The following ABHD13 variants were observed in gnomAD, a reference collection of about 807,000 sequenced individuals.
The protein encoded by ABHD13 is protein ABHD13.
ABHD13 carries 7 observed loss-of-function variants against 25.2 expected under a neutral mutation model. The ratio of observed to expected loss-of-function variants is 0.28; its 90% CI spans 0.16 to 0.52. The LOEUF (loss-of-function observed/expected upper bound fraction) is 0.52, where lower values mean the gene tolerates loss of function less well. Ranked by LOEUF, ABHD13 falls within the 20% of genes least tolerant of loss-of-function variation. The pLI is 0.96. For missense variants in ABHD13, 302 were observed against 402.7 expected, an observed-to-expected ratio of 0.75 and a Z score of 2.14; for synonymous variants, 133 against 136.1, an observed-to-expected ratio of 0.98 and a Z score of 0.16.
rs1050868571 is a variant in ABHD13, at chr13:108,218,432, A to G, written c.-248A>G. On this transcript the variant is annotated 5_prime_UTR_variant, in exon 1 of 2. Transcript: ENST00000375898. ...CCCACTCCGGGAGCGGAGACGGAGA[A>G]CAGGTTATGTGGGAGCCGGCGGGGG... The G allele has an allele frequency of 6.6e-6, 1 of 151,974 alleles. No individual in the cohort carries two copies. Among genetic ancestry groups the G allele is most frequent in the Admixed American group, 6.6e-5 (1 of 15,258 alleles). The allele number at this position is 151,974 out of a possible 1,614,324, so 9.4% of individuals were successfully genotyped here.
At chr13:108,227,784 C>G (rs544989747) in intron 1 of ABHD13, among the ~76,000 whole-genome samples, 60 of 152,048 alleles carry the variant, frequency 3.9e-4, no homozygotes, top group African/African-American at 1.4e-3. Flanking sequence ...GCAATTGAGA[C>G]TGGAAATAAG....
intron 1 of ABHD13, among the ~76,000 whole-genome samples, chr13:108,224,266 G>A (rs922274911): frequency 6.6e-6 from 1 of 152,122 alleles, no homozygotes; most frequent in Non-Finnish European, 1.5e-5. Flanking sequence ...TTGCTTGAAC[G>A]TTACTGAGTA....
intron 1 of ABHD13, among the ~76,000 whole-genome samples, chr13:108,222,337 G>GATATATAT (rs1217166972): frequency 6.6e-6 from 1 of 151,888 alleles, no homozygotes; most frequent in Non-Finnish European, 1.5e-5. Flanking sequence ...TTCAGTTCTT[G>GATATATAT]ATATATATAA....
rs1355923714 is a variant in ABHD13, at chr13:108,231,017, A to C, written c.*785A>C. 3 of 166,886 alleles carry C rather than the reference A, an allele frequency of 1.8e-5. No homozygotes were observed. In the East Asian group the frequency reaches 5.8e-4, roughly 32 times the overall value. The allele number at this position is 166,886 out of a possible 1,614,324, so 10.3% of individuals were successfully genotyped here. ...GATGTGCATATTTGAACTTTTTAAC[A>C]TTTGTAACTTTGGTGGCAAAGAGAA... On this transcript the variant is annotated 3_prime_UTR_variant, in exon 2 of 2. Coordinates refer to ENST00000375898, the MANE Select transcript of ABHD13 (RefSeq NM_032859.3).
At chr13:108,218,979 C>T (rs1879470202) in intron 1 of ABHD13, among the ~76,000 whole-genome samples, 1 of 152,082 alleles carries the variant, frequency 6.6e-6, no homozygotes, top group Admixed American at 6.5e-5. Flanking sequence ...CGCCGGGTGT[C>T]GTTTTGTAAT....
In ABHD13 at chr13:108,229,918, C is replaced by G; in HGVS notation, c.700C>G (p.Pro234Ala). Residue 234 changes from proline (P) to alanine (A), a missense_variant, in exon 2 of 2, where the codon CCG becomes GCG. By Grantham distance (27) the Pro-to-Ala change is conservative (BLOSUM62 -1). Coordinates refer to ENST00000375898, the MANE Select transcript of ABHD13 (RefSeq NM_032859.3). This position sits in a 1 kb window ranked among gnomAD's most constrained non-coding sequence, Gnocchi z 4.7. ...GGCCAGCACTTTATTTTCATTCTTT[C>G]CGATGCGTTACCTTCCTTTATGGTG... ...HMASTLFSFFPMRYLPLWCYK... is the reference protein window; with the variant it reads ...HMASTLFSFFAMRYLPLWCYK... 1.9e-6 allele frequency: 3 copies of G among 1,613,228 alleles called. No homozygotes were observed. Among genetic ancestry groups the G allele is most frequent in the South Asian group, 1.1e-5 (1 of 91,060 alleles).
At chr13:108,220,142 A>G (rs930696803) in intron 1 of ABHD13, among the ~76,000 whole-genome samples, 12 of 152,232 alleles carry the variant, frequency 7.9e-5, no homozygotes, top group South Asian at 2.1e-4. Flanking sequence ...GTGAGTTGGC[A>G]AAAGCTACCT....
At chr13:108,227,584 A>T (rs1041585643) in intron 1 of ABHD13, among the ~76,000 whole-genome samples, 2 of 152,068 alleles carry the variant, frequency 1.3e-5, no homozygotes, top group Admixed American at 1.3e-4. Context: ...CTGGTTTTAT[A>T]TAATTTTTTA....
chr13:108,225,974 A>G (rs1879663598), intron 1 of ABHD13, among the ~76,000 whole-genome samples: 1 of 152,164 alleles, frequency 6.6e-6, no homozygotes, highest in South Asian at 2.1e-4. Context: ...CACATGCAGA[A>G]GAACCCAACA....
Position 108,229,108 on chromosome 13 carries a change from A to T in ABHD13, c.-20-91A>T. 1.1e-6 allele frequency: 1 copy of T among 935,146 alleles called. No homozygotes were observed. The highest frequency in any genetic ancestry group is 3.0e-5 in the Admixed American group (1 of 33,268). 57.9% of individuals were successfully genotyped at this position (935,146 alleles called of 1,614,324 possible). ...ACCTATTACCATATTTAACAATTAC[A>T]TGTGGCCTAGTACCATAGTTTATTA... On this transcript the variant is annotated intron_variant, in intron 1 of 1. Transcript: ENST00000375898. The surrounding 1 kb of genome is among the most constrained non-coding windows in gnomAD (Gnocchi z 4.7).
intron 1 of ABHD13, among the ~76,000 whole-genome samples, chr13:108,226,584 G>A (rs1566380543): frequency 6.6e-6 from 1 of 152,066 alleles, no homozygotes; most frequent in Non-Finnish European, 1.5e-5. Flanking sequence ...TTTGTTAACC[G>A]TTTACTCACA....
intron 1 of ABHD13, among the ~76,000 whole-genome samples, chr13:108,224,219 A>C (rs1448514191): frequency 6.6e-6 from 1 of 152,194 alleles, no homozygotes; most frequent in Non-Finnish European, 1.5e-5. Context: ...GTATGTAGTT[A>C]TTTATATCCA....
rs528734839 is a variant in ABHD13, at chr13:108,231,676, A to G, written c.*1444A>G. The G allele has an allele frequency of 1.8e-5, 3 of 166,850 alleles. No homozygotes were observed. The highest frequency in any genetic ancestry group is 1.3e-4 in the Admixed American group (2 of 15,244). 10.3% of individuals were successfully genotyped at this position (166,850 alleles called of 1,614,324 possible). On this transcript the variant is annotated 3_prime_UTR_variant, in exon 2 of 2. Transcript: ENST00000375898. ...TCAGCTTTAACATATAATATTTTGA[A>G]TATTTTAGCTATATTTAGTGGCTTT...
intron 1 of ABHD13, among the ~76,000 whole-genome samples, chr13:108,223,214 A>T (rs1465167741): frequency 6.6e-6 from 1 of 152,216 alleles, no homozygotes; most frequent in East Asian, 1.9e-4. Context: ...TTAATAGATT[A>T]CCACAGTGCC....
In ABHD13 at chr13:108,230,374, T is replaced by G. The variant is rs1879775928; in HGVS notation, c.*142T>G. 3 of 681,914 alleles carry G rather than the reference T, an allele frequency of 4.4e-6. No homozygotes were observed. Among genetic ancestry groups the G allele is most frequent in the Non-Finnish European group, 7.1e-6 (3 of 423,332 alleles). The allele number at this position is 681,914 out of a possible 1,614,324, so 42.2% of individuals were successfully genotyped here. On this transcript the variant is annotated 3_prime_UTR_variant, in exon 2 of 2. Coordinates refer to ENST00000375898, the MANE Select transcript of ABHD13 (RefSeq NM_032859.3). ...GGACTTCACTGCTCCTTTACGATAT[T>G]CCAAATAGTTTTTTACATTGGAAAA...
intron 1 of ABHD13, among the ~76,000 whole-genome samples, chr13:108,219,077 G>T (rs577241447): frequency 5.3e-4 from 81 of 151,764 alleles, no homozygotes; most frequent in African/African-American, 1.8e-3. Context: ...CCAACCCTCC[G>T]CTCCCCCACC....
At chr13:108,218,857 C>T (rs1879462313) in intron 1 of ABHD13, among the ~76,000 whole-genome samples, 198 bp downstream of exon 1, 1 of 152,006 alleles carries the variant, frequency 6.6e-6, no homozygotes, top group Non-Finnish European at 1.5e-5. Context: ...GGAGGACCAG[C>T]CCGGGGTGCA....
Position 108,229,515 on chromosome 13 carries a change from G to A in ABHD13, c.297G>A (p.Leu99=). Residue 99 remains leucine (L), a synonymous_variant, in exon 2 of 2, where the codon CTG becomes CTA. Coordinates refer to ENST00000375898, the MANE Select transcript of ABHD13 (RefSeq NM_032859.3). This position sits in a 1 kb window ranked among gnomAD's most constrained non-coding sequence, Gnocchi z 4.7. ...IFIRTKDGIR[L]NLILIRYTGD... is the part of the protein sequence containing the mutation. ...TCAGAACCAAAGATGGAATACGTCT[G>A]AATCTTATTTTGATACGATACACTG... The A allele has an allele frequency of 6.2e-7, 1 of 1,613,510 alleles. No homozygotes were observed. Among genetic ancestry groups the A allele is most frequent in the Non-Finnish European group, 8.5e-7 (1 of 1,179,610 alleles).
intron 1 of ABHD13, among the ~76,000 whole-genome samples, chr13:108,219,112 A>G (rs1349731865): frequency 2.0e-5 from 3 of 152,096 alleles, no homozygotes; most frequent in African/African-American, 7.2e-5. Context: ...TGAAAAGTAA[A>G]ATAGAATAAT....
Sources: gnomAD v4.1 joint callset for allele counts (sites outside exome capture counted in the v4.1 genomes callset) on GRCh38, gnomAD v4.1.1 for gene constraint, Gnocchi (gnomAD v3.1) non-coding constraint, MANE v1.5 for transcripts, NCBI Gene and HGNC (gene_info 2026-07-23, HGNC 2026-07-21) for gene names.